The following SH3PXD2B variants were observed in gnomAD, a reference collection of about 807,000 sequenced individuals.
The protein encoded by SH3PXD2B is SH3 and PX domains 2B.
A neutral mutation model predicts 73.1 loss-of-function variants in SH3PXD2B; 37 were observed. The observed-to-expected ratio is 0.51, with a 90% CI of 0.39 to 0.67. The LOEUF (loss-of-function observed/expected upper bound fraction) is 0.67, where lower values mean the gene tolerates loss of function less well. Among genes scored for constraint, SH3PXD2B ranks in the 30% least tolerant of loss-of-function variants. SH3PXD2B has a pLI of 0.00. For synonymous variants in SH3PXD2B, 457 were observed against 480.5 expected (o/e 0.95, Z 0.64); for missense variants, 1,053 against 1,197.8 (o/e 0.88, Z 1.78).
chr5:172,404,975 T>C (rs1758518704), intron 3 of SH3PXD2B, among the ~76,000 whole-genome samples: 1 of 152,240 alleles, frequency 6.6e-6, no homozygotes, highest in Non-Finnish European at 1.5e-5. Flanking sequence ...GGTGCAGTAA[T>C]GCCTATGCCG....
rs940546876 is a variant in SH3PXD2B, at chr5:172,336,103, G to C, written c.*2266C>G. The C allele has an allele frequency of 2.0e-6, 2 of 988,240 alleles. No homozygotes were observed. Among genetic ancestry groups the C allele is most frequent in the Non-Finnish European group, 2.4e-6 (2 of 832,028 alleles). 61.2% of individuals were successfully genotyped at this position (988,240 alleles called of 1,614,324 possible). A position where few individuals can be genotyped will look rare whatever the true frequency, so the allele number is the denominator to read the frequency against. On this transcript the variant is annotated 3_prime_UTR_variant, in exon 13 of 13. Coordinates refer to ENST00000311601, the MANE Select transcript of SH3PXD2B (RefSeq NM_001017995.3). The stretch of plus-strand genomic sequence containing the variant: ...CTCAAAGCTCTTCCAGCCAGGGATG[G>C]AGCCACACACATCCCAGTCTACTCA...
intron 5 of SH3PXD2B, among the ~76,000 whole-genome samples, chr5:172,381,774 C>T (rs891129491): frequency 1.3e-5 from 2 of 152,164 alleles, no homozygotes; most frequent in South Asian, 2.1e-4. Flanking sequence ...TGCTCAGTTC[C>T]GACACACCTC....
chr5:172,344,029 G>A (rs1378254165), intron 12 of SH3PXD2B, among the ~76,000 whole-genome samples: 1 of 151,858 alleles, frequency 6.6e-6, no homozygotes, highest in Non-Finnish European at 1.5e-5. Flanking sequence ...TTGACCTCTT[G>A]GGACTTCTGT....
chr5:172,387,237 C>T (rs558082672), intron 4 of SH3PXD2B, among the ~76,000 whole-genome samples: 2 of 152,204 alleles, frequency 1.3e-5, no homozygotes, highest in Admixed American at 6.5e-5. Flanking sequence ...TAAGCTACAC[C>T]GTATGATGCT....
Position 172,370,325 on chromosome 5 carries a change from T to C in SH3PXD2B, c.427+3465A>G, listed in dbSNP as rs77190881. 6.1e-3 allele frequency among the ~76,000 whole-genome samples: 924 copies of C among 152,342 alleles called. 6 individuals are homozygous for C. The highest frequency in any genetic ancestry group is 0.02 in the African/African-American group (852 of 41,568). On this transcript the variant is annotated intron_variant, in intron 6 of 12. Coordinates refer to ENST00000311601, the MANE Select transcript of SH3PXD2B (RefSeq NM_001017995.3). ...GTTTTAACACCTGATGGTGGCACAG[T>C]TGCACCACATACAATTTTCAGGACT...
At chr5:172,351,085 C>T (rs1757151499) in intron 9 of SH3PXD2B, among the ~76,000 whole-genome samples, 2 of 152,232 alleles carry the variant, frequency 1.3e-5, no homozygotes, top group African/African-American at 4.8e-5. Context: ...GCTCAGTGTC[C>T]TCCCAAAAGG....
chr5:172,393,320 A>C (rs1433588471), intron 4 of SH3PXD2B, among the ~76,000 whole-genome samples: 1 of 152,114 alleles, frequency 6.6e-6, no homozygotes, highest in Non-Finnish European at 1.5e-5. Flanking sequence ...TGCTATTGGG[A>C]GTGGGACTGT....
rs1457337719 is a variant in SH3PXD2B, at chr5:172,353,638, G to A, written c.785+250C>T. Among the ~76,000 whole-genome samples the A allele has an allele frequency of 6.6e-6, 1 of 152,160 alleles. No homozygotes were observed. Among genetic ancestry groups the A allele is most frequent in the Non-Finnish European group, 1.5e-5 (1 of 68,026 alleles). On this transcript the variant is annotated intron_variant, in intron 9 of 12. Coordinates refer to ENST00000311601, the MANE Select transcript of SH3PXD2B (RefSeq NM_001017995.3). This position sits in a 1 kb window ranked among gnomAD's most constrained non-coding sequence, Gnocchi z 4.3. ...GAGGTGGAAACCAGCCTTGCTTAAT[G>A]GGGTTGCTGCTATCTGTGGTTCAGT...
chr5:172,396,828 C>A (rs1436114759), intron 3 of SH3PXD2B, among the ~76,000 whole-genome samples: 1 of 152,062 alleles, frequency 6.6e-6, no homozygotes, highest in Non-Finnish European at 1.5e-5. Flanking sequence ...GTAATCCCAG[C>A]TACTCAGGAG....
chr5:172,447,561 T>C (rs147015077), intron 1 of SH3PXD2B, among the ~76,000 whole-genome samples: 94 of 152,280 alleles, frequency 6.2e-4, no homozygotes, highest in South Asian at 4.2e-3. Flanking sequence ...CCCTATGAAA[T>C]TGGAACTATT....
intron 5 of SH3PXD2B, among the ~76,000 whole-genome samples, chr5:172,376,070 C>T (rs1018195869): frequency 3.4e-5 from 5 of 146,518 alleles, no homozygotes; most frequent in African/African-American, 5.1e-5. Flanking sequence ...CACTCTGTTG[C>T]GCAGGCTGGA....
chr5:172,373,330 C>A (rs908794087), intron 6 of SH3PXD2B, among the ~76,000 whole-genome samples: 2 of 152,206 alleles, frequency 1.3e-5, no homozygotes, highest in African/African-American at 4.8e-5. Flanking sequence ...TCCCTCCTTT[C>A]CGATCCCTTA....
chr5:172,329,630 C>T (rs189986703), downstream of SH3PXD2B, among the ~76,000 whole-genome samples: 67 of 150,590 alleles, frequency 4.4e-4, no homozygotes, highest in African/African-American at 1.6e-3. Flanking sequence ...CTCCGCCTTC[C>T]GGGTTCAAGC....
chr5:172,402,275 G>T (rs1758435391), intron 3 of SH3PXD2B, among the ~76,000 whole-genome samples: 1 of 152,052 alleles, frequency 6.6e-6, no homozygotes, highest in African/African-American at 2.4e-5. Flanking sequence ...ATAAATTTTG[G>T]TCAGACCGTT....
At chr5:172,343,127 A>C (rs115318491) in intron 12 of SH3PXD2B, among the ~76,000 whole-genome samples, 1 of 152,272 alleles carries the variant, frequency 6.6e-6, no homozygotes, top group Non-Finnish European at 1.5e-5. Flanking sequence ...TCACTGAGCC[A>C]GCGGGATGCA....
chr5:172,385,536 G>A (rs552665507), intron 4 of SH3PXD2B, among the ~76,000 whole-genome samples: 3 of 152,312 alleles, frequency 2.0e-5, no homozygotes, highest in African/African-American at 7.2e-5. Context: ...AGACAGTGCT[G>A]GGGAGACCCT....
intron 12 of SH3PXD2B, among the ~76,000 whole-genome samples, chr5:172,327,650 A>G (rs1756469620): frequency 6.6e-6 from 1 of 151,988 alleles, no homozygotes; most frequent in African/African-American, 2.4e-5. Flanking sequence ...GTACAGTGGT[A>G]TGATTATAAC....
chr5:172,350,259 G>T, intron 10 of SH3PXD2B, 104 bp downstream of exon 10: 1 of 1,109,192 alleles, frequency 9.0e-7, no homozygotes, highest in Non-Finnish European at 1.3e-6. Flanking sequence ...GGATGGGGGA[G>T]CAGCTGGGCT....
intron 3 of SH3PXD2B, among the ~76,000 whole-genome samples, chr5:172,395,611 G>C (rs1758275719): frequency 6.6e-6 from 1 of 152,238 alleles, no homozygotes; most frequent in African/African-American, 2.4e-5. Context: ...AAGCAAATCA[G>C]TGGGTTCTCA....
Sources: allele counts gnomAD v4.1 joint callset (sites outside exome capture counted in the v4.1 genomes callset), GRCh38; gene constraint gnomAD v4.1.1; non-coding constraint Gnocchi (gnomAD v3.1); transcripts MANE v1.5; gene names NCBI Gene and HGNC (gene_info 2026-07-23, HGNC 2026-07-21).